GALNTL6: variants seen among roughly 807,000 people sequenced by gnomAD.
GALNTL6 encodes polypeptide N-acetylgalactosaminyltransferase like 6.
A neutral mutation model predicts 73.7 loss-of-function variants in GALNTL6; 46 were observed. The observed-to-expected ratio is 0.62, with a 90% CI of 0.49 to 0.80. The LOEUF (loss-of-function observed/expected upper bound fraction) is 0.80. Among genes scored for constraint, GALNTL6 ranks in the 30% least tolerant of loss-of-function variants. The pLI, the probability that GALNTL6 is intolerant of heterozygous loss-of-function variation, is 0.00. For synonymous variants in GALNTL6, 259 were observed against 263.7 expected (o/e 0.98, Z 0.17); for missense variants, 604 against 755.0 (o/e 0.80, Z 2.34).
intron 9 of GALNTL6, among the ~76,000 whole-genome samples, chr4:172,937,855 A>C (rs2610189): frequency 0.019 from 2,951 of 152,260 alleles, 96 homozygotes; most frequent in African/African-American, 0.068. Context: ...TTTTTAATAG[A>C]CTGTCATATT....
intron 8 of GALNTL6, among the ~76,000 whole-genome samples, chr4:172,921,658 G>A (rs919152663): frequency 1.2e-4 from 18 of 151,858 alleles, no homozygotes; most frequent in Non-Finnish European, 2.4e-4. Context: ...AGCTGGGTGC[G>A]GCGGTGGGCC....
At chr4:172,218,693 A>G (rs1368236659) in intron 2 of GALNTL6, among the ~76,000 whole-genome samples, 9 of 152,084 alleles carry the variant, frequency 5.9e-5, no homozygotes, top group Admixed American at 5.9e-4. Flanking sequence ...CAAGAAGACA[A>G]TCTTCAAACT....
chr4:172,578,212 A>G (rs1371830643), intron 5 of GALNTL6, among the ~76,000 whole-genome samples: 1 of 152,144 alleles, frequency 6.6e-6, no homozygotes, highest in Non-Finnish European at 1.5e-5. Context: ...AAAATTTCTC[A>G]CAAAAGCCAA....
intron 3 of GALNTL6, among the ~76,000 whole-genome samples, chr4:172,257,174 C>A (rs1019636706): frequency 6.6e-6 from 1 of 151,298 alleles, no homozygotes; most frequent in East Asian, 1.9e-4. Context: ...AATCCTAAAG[C>A]AATATCTTTA....
chr4:171,847,694 T>G (rs887382062), intron 2 of GALNTL6, among the ~76,000 whole-genome samples: 1 of 152,218 alleles, frequency 6.6e-6, no homozygotes, highest in Non-Finnish European at 1.5e-5. Flanking sequence ...GAGTAGATTC[T>G]ATATCAAAAG....
intron 7 of GALNTL6, among the ~76,000 whole-genome samples, chr4:172,820,293 A>G (rs1477877354): frequency 1.3e-5 from 2 of 152,258 alleles, no homozygotes; most frequent in African/African-American, 4.8e-5. Flanking sequence ...ATTAGCTTTT[A>G]TCAGAACCTT....
At chr4:172,943,660 C>T (rs1282559408) in intron 9 of GALNTL6, among the ~76,000 whole-genome samples, 1 of 152,118 alleles carries the variant, frequency 6.6e-6, no homozygotes, top group Non-Finnish European at 1.5e-5. Flanking sequence ...ACACTGTTCA[C>T]AGAATGAAAA....
At chr4:171,862,799 C>G (rs1735869111) in intron 2 of GALNTL6, among the ~76,000 whole-genome samples, 2 of 151,892 alleles carry the variant, frequency 1.3e-5, no homozygotes, top group East Asian at 3.9e-4. Context: ...AATATAATAA[C>G]CTAAAAAGTC....
intron 5 of GALNTL6, among the ~76,000 whole-genome samples, chr4:172,524,597 T>G (rs2110827459): frequency 6.6e-6 from 1 of 152,356 alleles, no homozygotes; most frequent in East Asian, 1.9e-4. Flanking sequence ...TAACTAGTGC[T>G]GCTAGGAACA....
chr4:172,601,221 A>C (rs1040521681), intron 5 of GALNTL6, among the ~76,000 whole-genome samples: 2 of 152,220 alleles, frequency 1.3e-5, no homozygotes, highest in African/African-American at 4.8e-5. Flanking sequence ...GGAAAGGTCA[A>C]CTTAACAACA....
chr4:172,843,759 A>G (rs990365153), intron 7 of GALNTL6, among the ~76,000 whole-genome samples: 23 of 152,342 alleles, frequency 1.5e-4, no homozygotes, highest in African/African-American at 5.5e-4. Context: ...TTCAACAGCC[A>G]TTTAAAAATA....
chr4:171,931,520 T>C (rs79208234), intron 2 of GALNTL6, among the ~76,000 whole-genome samples: 133 of 152,366 alleles, frequency 8.7e-4, no homozygotes, highest in African/African-American at 2.8e-3. Flanking sequence ...GTCACTTTCC[T>C]GTTTACTGGT....
At chr4:172,444,767 A>G (rs1051646823) in intron 5 of GALNTL6, among the ~76,000 whole-genome samples, 5 of 152,096 alleles carry the variant, frequency 3.3e-5, no homozygotes, top group Admixed American at 1.3e-4. Flanking sequence ...ACCTCATCCA[A>G]TCCTTCCACA....
chr4:172,365,517 T>C (rs1164773382), intron 5 of GALNTL6, among the ~76,000 whole-genome samples: 1 of 152,094 alleles, frequency 6.6e-6, no homozygotes, highest in African/African-American at 2.4e-5. Context: ...AATTAATAAT[T>C]AATATTTGCT....
In GALNTL6 at chr4:171,996,967, C is replaced by G. The variant is rs557823341; in HGVS notation, c.138+182249C>G. Reference sequence around the variant, plus strand: ...TGTCTCTGATTGGACAGAGGCATAACAAACAACATTCTTTGCCATCTGTAA... The same window carrying G: ...TGTCTCTGATTGGACAGAGGCATAAGAAACAACATTCTTTGCCATCTGTAA... On this transcript the variant is annotated intron_variant, in intron 2 of 12. Coordinates refer to ENST00000506823, the MANE Select transcript of GALNTL6 (RefSeq NM_001034845.3). 1.9e-3 allele frequency among the ~76,000 whole-genome samples: 286 copies of G among 152,204 alleles called. 1 individual carries two copies. Among genetic ancestry groups the G allele is most frequent in the African/African-American group, 6.6e-3 (276 of 41,550 alleles).
intron 5 of GALNTL6, among the ~76,000 whole-genome samples, chr4:172,713,222 A>ATGTGTGTGTGTGTG (rs61504713): frequency 1.4e-3 from 191 of 139,228 alleles, no homozygotes; most frequent in African/African-American, 2.6e-3. Context: ...AAAGAATAAG[A>ATGTGTGTGTGTGTG]TGTGTGTGTG....
At chr4:172,330,450 TTGTC>T (rs1275159965) in intron 4 of GALNTL6, among the ~76,000 whole-genome samples, 1 of 152,200 alleles carries the variant, frequency 6.6e-6, no homozygotes, top group Non-Finnish European at 1.5e-5. Flanking sequence ...CTTGCCTTGT[TTGTC>T]TTTGCTTTCC....
At chr4:172,626,275 G>A (rs1030005317) in intron 5 of GALNTL6, among the ~76,000 whole-genome samples, 4 of 152,052 alleles carry the variant, frequency 2.6e-5, no homozygotes, top group African/African-American at 7.2e-5. Flanking sequence ...TGAATAGAAA[G>A]TCCTTTCCAC....
At chr4:172,295,975 T>C (rs1739658539) in intron 3 of GALNTL6, among the ~76,000 whole-genome samples, 1 of 152,146 alleles carries the variant, frequency 6.6e-6, no homozygotes, top group African/African-American at 2.4e-5. Flanking sequence ...CTTATATCAC[T>C]TGATAGTATC....
Sources: allele counts gnomAD v4.1 joint callset (sites outside exome capture counted in the v4.1 genomes callset), GRCh38; gene constraint gnomAD v4.1.1; transcripts MANE v1.5; gene names NCBI Gene and HGNC (gene_info 2026-07-23, HGNC 2026-07-21).